ENO4: variants seen among roughly 807,000 people sequenced by gnomAD.
ENO4 encodes enolase 4, also known as 2-phospho-D-glycerate hydro-lyase.
ENO4 carries 53 observed loss-of-function variants against 63.2 expected under a neutral mutation model. The ratio of observed to expected loss-of-function variants is 0.84; its 90% CI spans 0.67 to 1.05. ENO4 has a LOEUF of 1.05. ENO4 is among the 50% of genes least tolerant of loss of function. ENO4 has a pLI of 0.00. For synonymous variants in ENO4, 266 were observed against 283.8 expected (o/e 0.94, Z 0.63); for missense variants, 719 against 772.0 (o/e 0.93, Z 0.81).
chr10:116,878,842 C>T (rs1461048871), intron 11 of ENO4, among the ~76,000 whole-genome samples: 4 of 144,664 alleles, frequency 2.8e-5, no homozygotes, highest in Non-Finnish European at 6.0e-5. Context: ...CTCCCGGGTT[C>T]ACGCCATTCT....
At chr10:116,900,051 C>T (rs1847676684) in intron 10 of ENO4, among the ~76,000 whole-genome samples, 1 of 152,176 alleles carries the variant, frequency 6.6e-6, no homozygotes, top group Admixed American at 6.5e-5. Flanking sequence ...TATACATACA[C>T]AGAATTCTCA....
At chr10:116,856,781 C>T (rs1370227957) in intron 3 of ENO4, 99 bp downstream of exon 3, 5 of 1,067,896 alleles carry the variant, frequency 4.7e-6, no homozygotes, top group Non-Finnish European at 6.4e-6. Context: ...GCGGGCAGAT[C>T]ACGAGGTCAG....
At position 116,860,968 on chromosome 10, in the gene ENO4, G is replaced by A. The variant is rs1846393389; in HGVS notation, c.804+5G>A. 2 of 1,537,510 alleles carry A rather than the reference G, an allele frequency of 1.3e-6. No individual in the cohort carries two copies. Among genetic ancestry groups the A allele is most frequent in the Non-Finnish European group, 1.8e-6 (2 of 1,137,856 alleles). On this transcript the variant is annotated splice_donor_5th_base_variant and intron_variant, in intron 5 of 13. Coordinates refer to ENST00000341276, the MANE Select transcript of ENO4 (RefSeq NM_001242699.2). ...GCTCTACTGAAGCACAATCAGGTTAGTATCTATGAAGTTCCATTAAAAGGA... is the reference window on the plus strand; with the variant it reads ...GCTCTACTGAAGCACAATCAGGTTAATATCTATGAAGTTCCATTAAAAGGA...
chr10:116,892,290 G>A (rs1847363286), intron 10 of ENO4, among the ~76,000 whole-genome samples: 1 of 152,170 alleles, frequency 6.6e-6, no homozygotes, highest in Non-Finnish European at 1.5e-5. Flanking sequence ...ACTGGCACAA[G>A]GAGGTTCAGG....
intron 1 of ENO4, 29 bp from the exon 2 acceptor site, chr10:116,855,594 T>A: frequency 6.5e-7 from 1 of 1,535,882 alleles, no homozygotes; most frequent in Non-Finnish European, 8.7e-7. Flanking sequence ...TTGAACCAGA[T>A]GATTTTTGTT....
At position 116,896,238 on chromosome 10, in the gene ENO4, G is replaced by A. The variant is rs140720419; in HGVS notation, c.1195-15261G>A. 2.3e-4 allele frequency among the ~76,000 whole-genome samples: 35 copies of A among 152,300 alleles called. No individual in the cohort carries two copies. In the East Asian group the frequency reaches 6.7e-3, roughly 29 times the overall value. Reference sequence around the variant, plus strand: ...ATTTATGCATTCTGTTGATAATAGAGTTAACATGTTTCAGGTATCTCACAT... The same window carrying A: ...ATTTATGCATTCTGTTGATAATAGAATTAACATGTTTCAGGTATCTCACAT... On this transcript the variant is annotated intron_variant, in intron 10 of 10. Coordinates refer to the ENO4 transcript ENST00000369207.
chr10:116,906,432 C>T (rs1385195183), intron 10 of ENO4, among the ~76,000 whole-genome samples: 1 of 152,200 alleles, frequency 6.6e-6, no homozygotes, highest in African/African-American at 2.4e-5. Context: ...TAAGTAAACA[C>T]ACCAATAAAT....
intron 1 of ENO4, among the ~76,000 whole-genome samples, chr10:116,851,089 T>A (rs1846068865): frequency 6.6e-6 from 1 of 152,230 alleles, no homozygotes; most frequent in Non-Finnish European, 1.5e-5. Context: ...AGCTACTTAG[T>A]GTACAAGCTA....
chr10:116,859,003 A>G lies in ENO4; in HGVS notation c.499A>G (p.Ser167Gly), dbSNP rs1846341156. The change falls in exon 4 of 14, where the codon AGT becomes GGT. Residue 167 changes from serine (S) to glycine (G), a missense_variant. By Grantham distance (56) the Ser-to-Gly change is moderately conservative. Transcript: ENST00000341276. ...CTTGCTATTAAGGATATTCTTCGCA[A>G]GTAAAGTACAAGAAGATAAGGGGAG... The part of the protein sequence containing the change: ...VDHLLRIFFA[S>G]KVQEDKGRKE... 1 of 1,534,536 alleles carries G rather than the reference A, an allele frequency of 6.5e-7. No homozygotes were observed.
intron 1 of ENO4, among the ~76,000 whole-genome samples, chr10:116,851,119 T>C (rs1288099870): frequency 6.6e-6 from 1 of 152,246 alleles, no homozygotes; most frequent in Non-Finnish European, 1.5e-5. Flanking sequence ...ACATGGACTC[T>C]TGTTCCCCAG....
At chr10:116,894,030 C>A (rs1008991833) in intron 10 of ENO4, among the ~76,000 whole-genome samples, 1 of 143,576 alleles carries the variant, frequency 7.0e-6, no homozygotes, top group African/African-American at 2.5e-5. Context: ...AGTTAGAGGT[C>A]AAACAATGAT....
chr10:116,906,123 T>C (rs538376127), intron 10 of ENO4, among the ~76,000 whole-genome samples: 1 of 152,388 alleles, frequency 6.6e-6, no homozygotes, highest in Non-Finnish European at 1.5e-5. Flanking sequence ...GCTCATTTTG[T>C]GCCATGCACA....
Position 116,871,143 on chromosome 10 carries a change from A to C in ENO4, c.1066A>C (p.Met356Leu), listed in dbSNP as rs773891436. Reference protein sequence around the residue: ...KRGQQQITGKMSHLGCLTINC... With the variant: ...KRGQQQITGKLSHLGCLTINC... ...CTTGCAGCAGCAGATCACTGGCAAG[A>C]TGTCTCATCTTGGCTGTTTAACCAT... The change falls in exon 9 of 14, where the codon ATG (methionine) becomes CTG (leucine). Residue 356 changes from methionine to leucine, a missense_variant. Physicochemically the swap from Met to Leu is conservative, Grantham distance 15. This residue lies in a region of ENO4 where 544 missense variants were observed against 583.6 expected (regional missense o/e 0.93). Transcript: ENST00000341276. 14 of 1,550,376 alleles carry C rather than the reference A, an allele frequency of 9.0e-6. No homozygotes were observed. The Admixed American group carries it at 2.7e-4, about 30-fold the overall frequency.
At chr10:116,856,835 A>G (rs1846274674) in intron 3 of ENO4, among the ~76,000 whole-genome samples, 153 bp downstream of exon 3, 1 of 152,116 alleles carries the variant, frequency 6.6e-6, no homozygotes, top group Non-Finnish European at 1.5e-5. Context: ...TCAAAATACA[A>G]AAAATTAGCC....
downstream of ENO4, chr10:116,886,514 C>T (rs1342888785): frequency 6.2e-7 from 1 of 1,614,092 alleles, no homozygotes; most frequent in East Asian, 2.2e-5. Context: ...ACTGGTTCGG[C>T]TTGTTTTTCA....
intron 13 of ENO4, 172 bp from the exon 14 acceptor site, chr10:116,881,343 A>C: frequency 3.6e-6 from 2 of 557,160 alleles, no homozygotes; most frequent in Non-Finnish European, 3.2e-6. Context: ...TCTGTATGGC[A>C]CAATTAACAT....
In ENO4 at chr10:116,882,275, A is replaced by T. The variant is rs1589769120; in HGVS notation, c.*606A>T. On this transcript the variant is annotated 3_prime_UTR_variant, in exon 14 of 14. Coordinates refer to ENST00000341276, the MANE Select transcript of ENO4 (RefSeq NM_001242699.2). ...TTTTTATCTTTGCGAGTCTTCTTAGATCCTTTTTGGAGTAAGAATGAGTAT... is the reference window on the plus strand; with the variant it reads ...TTTTTATCTTTGCGAGTCTTCTTAGTTCCTTTTTGGAGTAAGAATGAGTAT... The T allele has an allele frequency of 1.3e-5, 2 of 152,026 alleles. No individual in the cohort carries two copies. Among genetic ancestry groups the T allele is most frequent in the East Asian group, 1.9e-4 (1 of 5,160 alleles). The allele number at this position is 152,026 out of a possible 1,614,324, so 9.4% of individuals were successfully genotyped here. A position where few individuals can be genotyped will look rare whatever the true frequency, so the allele number is the denominator to read the frequency against.
At chr10:116,874,054 A>G (rs1346628022) in intron 9 of ENO4, 22 bp from the exon 10 acceptor site, 6 of 1,520,316 alleles carry the variant, frequency 3.9e-6, no homozygotes, top group African/African-American at 2.8e-5. Flanking sequence ...CCTTATTTTA[A>G]TATTTTCCTG....
At chr10:116,883,876 T>A (rs1346140885), downstream of ENO4, 4 of 200,194 alleles carry the variant, frequency 2.0e-5, no homozygotes, top group Non-Finnish European at 4.2e-5. Context: ...CCAGCTCACA[T>A]ACAAAAGGGT....
Sources: allele counts gnomAD v4.1 joint callset (sites outside exome capture counted in the v4.1 genomes callset), GRCh38; gene constraint gnomAD v4.1.1; regional missense constraint gnomAD v4.1.1; transcripts MANE v1.5; gene names NCBI Gene and HGNC (gene_info 2026-07-23, HGNC 2026-07-21).